Variants in TMX1 observed in about 807,000 individuals in gnomAD.
TMX1 encodes the protein thioredoxin-related transmembrane protein 1.
TMX1 carries 25 observed loss-of-function variants against 36.6 expected under a neutral mutation model. The ratio of observed to expected loss-of-function variants is 0.68; its 90% CI spans 0.50 to 0.95. The LOEUF is 0.95. Among genes scored for constraint, TMX1 ranks in the 40% least tolerant of loss-of-function variants. TMX1 has a pLI of 0.00. For missense variants in TMX1, 347 were observed against 339.6 expected (o/e 1.02, Z -0.17); for synonymous variants, 133 against 118.0 (o/e 1.13, Z -0.82).
intron 7 of TMX1, 185 bp from the exon 8 acceptor site, chr14:51,254,156 A>G (rs1190610560): frequency 2.0e-5 from 9 of 456,880 alleles, no homozygotes; most frequent in Non-Finnish European, 2.9e-5. Flanking sequence ...GGCTCAAACA[A>G]TTTTTATTTT....
rs2065840417 is a variant in TMX1 at position 51,256,759 on chromosome 14, A to G, written c.*2240A>G. ...TACTGGAGCTTTGTTGTTTTCTTGT[A>G]TTTATTAATTTAGTCCTAATGACAA... is the stretch of plus-strand genomic sequence containing the variant. On this transcript the variant is annotated 3_prime_UTR_variant, in exon 8 of 8. Transcript: ENST00000457354. 2 of 152,302 alleles carry G rather than the reference A, an allele frequency of 1.3e-5. No homozygotes were observed. Among genetic ancestry groups the G allele is most frequent in the African/African-American group, 2.4e-5 (1 of 41,572 alleles). 9.4% of individuals were successfully genotyped at this position (152,302 alleles called of 1,614,324 possible). A position where few individuals can be genotyped will look rare whatever the true frequency, so the allele number is the denominator to read the frequency against.
chr14:51,243,672 G>A (rs1163321812), intron 1 of TMX1, among the ~76,000 whole-genome samples, 184 bp from the exon 2 acceptor site: 1 of 151,956 alleles, frequency 6.6e-6, no homozygotes, highest in Non-Finnish European at 1.5e-5. Flanking sequence ...CATCATTCTT[G>A]ATTTCCGGAT....
chr14:51,246,392 G>A (rs1377098991), intron 3 of TMX1, among the ~76,000 whole-genome samples: 1 of 152,264 alleles, frequency 6.6e-6, no homozygotes, highest in South Asian at 2.1e-4. Context: ...GGGGTGGGGG[G>A]CTTCCTCGTG....
intron 1 of TMX1, among the ~76,000 whole-genome samples, chr14:51,241,626 G>C (rs2065761943): frequency 6.6e-6 from 1 of 152,140 alleles, no homozygotes; most frequent in African/African-American, 2.4e-5. Flanking sequence ...GAGGTATGAG[G>C]ATGACTTGAG....
chr14:51,255,721 T>C lies in TMX1; in HGVS notation c.*1202T>C, dbSNP rs1258912082. The C allele has an allele frequency of 2.0e-5, 3 of 152,040 alleles. No homozygotes were observed. The South Asian group carries it at 6.2e-4, about 31-fold the overall frequency. 9.4% of individuals were successfully genotyped at this position (152,040 alleles called of 1,614,324 possible). On this transcript the variant is annotated 3_prime_UTR_variant, in exon 8 of 8. Coordinates refer to ENST00000457354, the MANE Select transcript of TMX1 (RefSeq NM_030755.5). Reference sequence around the variant, plus strand: ...GTGGGATTTCACAGGTAAAAGTCAGTAGGATGGAACATTTTAGTGTATTTT... The same window carrying C: ...GTGGGATTTCACAGGTAAAAGTCAGCAGGATGGAACATTTTAGTGTATTTT...
Position 51,247,208 on chromosome 14 carries a change from C to T in TMX1, c.431C>T (p.Pro144Leu), listed in dbSNP as rs1169809876. 6.2e-7 allele frequency: 1 copy of T among 1,613,118 alleles called. No individual in the cohort carries two copies. The highest frequency in any genetic ancestry group is 1.7e-5 in the Admixed American group (1 of 59,922). ...GAGCCCGTTTCATCATGGTTTGGTC[C>T]AGGTTCTGTTCTGTAAGTATGAGGG... ...SIEPVSSWFGPGSVLMSSMSA... is the reference protein window; with the variant it reads ...SIEPVSSWFGLGSVLMSSMSA... The change falls in exon 4 of 8, where the codon CCA (proline) becomes CTA (leucine). Residue 144 changes from proline (P) to leucine (L), a missense_variant. By Grantham distance (98) the Pro-to-Leu change is moderately conservative. Transcript: ENST00000457354.
chr14:51,251,490 C>T (rs770085076), intron 7 of TMX1, among the ~76,000 whole-genome samples: 10 of 152,130 alleles, frequency 6.6e-5, no homozygotes, highest in Non-Finnish European at 1.5e-4. Context: ...TCACATAAAT[C>T]ATATGGCCGT....
intron 1 of TMX1, among the ~76,000 whole-genome samples, chr14:51,241,945 C>G (rs947784971): frequency 2.0e-5 from 3 of 152,130 alleles, no homozygotes; most frequent in Non-Finnish European, 4.4e-5. Context: ...CTGGCTAACA[C>G]GGTGAAACGC....
rs1477527589 is a variant in TMX1 at position 51,256,401 on chromosome 14, CAT to C, written c.*1886_*1887del. On this transcript the variant is annotated 3_prime_UTR_variant, in exon 8 of 8. Transcript: ENST00000457354. ...GATAGGGTCTTGAAATTTCAGGAAA[CAT>C]ATAATCTCACGGTTCTTAAAGATTG... The C allele has an allele frequency of 6.6e-6, 1 of 152,072 alleles. No homozygotes were observed. Among genetic ancestry groups the C allele is most frequent in the African/African-American group, 2.4e-5 (1 of 41,410 alleles). 9.4% of individuals were successfully genotyped at this position (152,072 alleles called of 1,614,324 possible).
At chr14:51,244,520 G>A (rs780100879) in intron 2 of TMX1, among the ~76,000 whole-genome samples, 39 of 152,058 alleles carry the variant, frequency 2.6e-4, no homozygotes, top group African/African-American at 8.5e-4. Flanking sequence ...TAAAGCCCTC[G>A]TGGTTGTGAG....
chr14:51,240,325 G>A lies in TMX1; in HGVS notation c.33G>A (p.Leu11=), dbSNP rs1486792553. MAPSGSLAVP[L]AVLVLLLWGA... ...CCTCCGGGAGTCTTGCAGTTCCCCT[G>A]GCAGTCCTGGTGCTGTTGCTTTGGG... is the stretch of plus-strand genomic sequence containing the variant. The change falls in exon 1 of 8, where the codon CTG becomes CTA. Residue 11 remains leucine (L), a synonymous_variant. Transcript: ENST00000457354. 4 of 1,613,238 alleles carry A rather than the reference G, an allele frequency of 2.5e-6. No homozygotes were observed. The African/African-American group carries it at 4.0e-5, about 16-fold the overall frequency.
intron 1 of TMX1, among the ~76,000 whole-genome samples, 190 bp downstream of exon 1, chr14:51,240,634 C>G (rs992868486): frequency 2.6e-5 from 4 of 152,170 alleles, no homozygotes; most frequent in Non-Finnish European, 4.4e-5. Context: ...CGTCTCTTAC[C>G]CGTGAATGTT....
In TMX1 at chr14:51,257,243, T is replaced by C. The variant is rs1437014041; in HGVS notation, c.*2724T>C. ...GTTGGTTATTGCATAAAGTAAGTTATTGCAGTAAATGATGCTTTAGAAAGC... is the reference window on the plus strand; with the variant it reads ...GTTGGTTATTGCATAAAGTAAGTTACTGCAGTAAATGATGCTTTAGAAAGC... On this transcript the variant is annotated 3_prime_UTR_variant, in exon 8 of 8. Coordinates refer to ENST00000457354, the MANE Select transcript of TMX1 (RefSeq NM_030755.5). 6.6e-6 allele frequency: 1 copy of C among 152,252 alleles called. No individual in the cohort carries two copies. Among genetic ancestry groups the C allele is most frequent in the African/African-American group, 2.4e-5 (1 of 41,462 alleles). The allele number at this position is 152,252 out of a possible 1,614,324, so 9.4% of individuals were successfully genotyped here.
intron 3 of TMX1, chr14:51,245,610 C>A: frequency 1.2e-6 from 1 of 829,248 alleles, no homozygotes; most frequent in South Asian, 1.7e-5. Context: ...ATGGTGTGAT[C>A]CTGTTCAGCG....
chr14:51,247,762 A>G (rs1479835447), intron 4 of TMX1, among the ~76,000 whole-genome samples: 1 of 152,200 alleles, frequency 6.6e-6, no homozygotes, highest in Non-Finnish European at 1.5e-5. Context: ...CTTTTCAGGA[A>G]TATTTTAGCT....
rs2139859934 is a variant in TMX1 at position 51,254,487 on chromosome 14, C to T, written c.811C>T (p.Leu271=). 1 of 1,604,780 alleles carries T rather than the reference C, an allele frequency of 6.2e-7. No individual in the cohort carries two copies. Among genetic ancestry groups the T allele is most frequent in the East Asian group, 2.2e-5 (1 of 44,652 alleles). ...ACAGAATGCCATAAGACAACGCTCT[C>T]TGGGTCCATCATTGGCCACAGATAA... ...FPQNAIRQRS[L]GPSLATDKS is the part of the protein sequence containing the mutation. The change falls in exon 8 of 8, where the codon CTG becomes TTG. Residue 271 remains leucine, a synonymous_variant. Coordinates refer to ENST00000457354, the MANE Select transcript of TMX1 (RefSeq NM_030755.5).
intron 3 of TMX1, chr14:51,245,802 A>G (rs2065782960): frequency 3.5e-6 from 1 of 286,146 alleles, no homozygotes; most frequent in Non-Finnish European, 6.8e-6. Context: ...ACAGTCATTA[A>G]CAGGAACATG....
rs1375997708 is a variant in TMX1 at position 51,256,750 on chromosome 14, T to C, written c.*2231T>C. On this transcript the variant is annotated 3_prime_UTR_variant, in exon 8 of 8. Coordinates refer to ENST00000457354, the MANE Select transcript of TMX1 (RefSeq NM_030755.5). ...CCAAGTACCTACTGGAGCTTTGTTG[T>C]TTTCTTGTATTTATTAATTTAGTCC... The C allele has an allele frequency of 5.9e-5, 9 of 152,172 alleles. No homozygotes were observed. The highest frequency in any genetic ancestry group is 1.0e-4 in the Non-Finnish European group (7 of 68,014). The allele number at this position is 152,172 out of a possible 1,614,324, so 9.4% of individuals were successfully genotyped here. A position where few individuals can be genotyped will look rare whatever the true frequency, so the allele number is the denominator to read the frequency against.
Position 51,249,508 on chromosome 14 carries a change from T to TG in TMX1, c.531dup (p.Trp178ValfsTer66). The TG allele has an allele frequency of 6.2e-7, 1 of 1,613,818 alleles. No homozygotes were observed. Among genetic ancestry groups the TG allele is most frequent in the Non-Finnish European group, 8.5e-7 (1 of 1,179,886 alleles). ...TTTATTGAAGACCTTGGATTGCCAGTGTGGGGATCATATACTGTTTTTGCT... is the reference window on the plus strand; with the variant it reads ...TTTATTGAAGACCTTGGATTGCCAGTGGTGGGGATCATATACTGTTTTTGCT... On this transcript the variant is annotated frameshift_variant, in exon 6 of 8. Transcript: ENST00000457354. LOFTEE classifies it high-confidence loss of function.
Sources: gnomAD v4.1 joint callset for allele counts (sites outside exome capture counted in the v4.1 genomes callset) on GRCh38, gnomAD v4.1.1 for gene constraint, MANE v1.5 for transcripts, NCBI Gene and HGNC (gene_info 2026-07-23, HGNC 2026-07-21) for gene names.